Variants in RELN observed in about 807,000 individuals in gnomAD.
RELN encodes reelin.
RELN carries 108 observed loss-of-function variants against 427.6 expected under a neutral mutation model. The ratio of observed to expected loss-of-function variants is 0.25; its 90% CI spans 0.22 to 0.30. The LOEUF (loss-of-function observed/expected upper bound fraction) is 0.30, where lower values mean the gene tolerates loss of function less well. RELN is among the 10% of genes least tolerant of loss of function. The pLI is 1.00. For missense variants in RELN, 3,715 were observed against 4,302.8 expected (o/e 0.86, Z 3.82); for synonymous variants, 1,524 against 1,513.4 (o/e 1.01, Z -0.16).
chr7:103,856,419 A>AG (rs1793945364), intron 2 of RELN, among the ~76,000 whole-genome samples: 1 of 151,966 alleles, frequency 6.6e-6, no homozygotes, highest in Non-Finnish European at 1.5e-5. Context: ...AATACAAAAA[A>AG]TTAGCCATCT....
intron 50 of RELN, among the ~76,000 whole-genome samples, chr7:103,514,439 C>T (rs1438755291): frequency 6.6e-6 from 1 of 152,146 alleles, no homozygotes; most frequent in Admixed American, 6.5e-5. Flanking sequence ...GTGGGCAGAT[C>T]ACCTGAGGTT....
intron 3 of RELN, among the ~76,000 whole-genome samples, chr7:103,813,977 T>C (rs1329647877): frequency 6.6e-6 from 1 of 152,202 alleles, no homozygotes; most frequent in Non-Finnish European, 1.5e-5. Context: ...CATGACGGTA[T>C]TTTTAAGAGT....
chr7:103,851,997 T>A (rs1423722680), intron 2 of RELN, among the ~76,000 whole-genome samples: 1 of 152,222 alleles, frequency 6.6e-6, no homozygotes, highest in African/African-American at 2.4e-5. Context: ...GCTGAGTCCC[T>A]GTATAAAGGA....
chr7:103,917,513 C>G (rs189774098), intron 1 of RELN, among the ~76,000 whole-genome samples: 2 of 150,210 alleles, frequency 1.3e-5, no homozygotes, highest in Admixed American at 1.3e-4. Flanking sequence ...TGAAGGCAGT[C>G]AAAGGCATTG....
chr7:103,584,244 T>C (rs1323859448), intron 28 of RELN, among the ~76,000 whole-genome samples: 1 of 152,206 alleles, frequency 6.6e-6, no homozygotes, highest in African/African-American at 2.4e-5. Flanking sequence ...ATGGGCTAAA[T>C]CCTCAACTAG....
At position 103,652,626 on chromosome 7, in the gene RELN, A is replaced by C. The variant is rs1832944514; in HGVS notation, c.1688T>G (p.Val563Gly). 1.2e-6 allele frequency: 2 copies of C among 1,612,860 alleles called. No homozygotes were observed. The highest frequency in any genetic ancestry group is 1.7e-6 in the Non-Finnish European group (2 of 1,179,308). Residue 563 changes from valine to glycine, a missense_variant, in exon 14 of 65, where the codon GTT (valine) becomes GGT (glycine). By Grantham distance (109) the Val-to-Gly change is moderately radical. Transcript: ENST00000428762. ...WAVDFFHVLP[V>G]LPSTMSHMIQ... is the part of the protein sequence containing the mutation. ...CATGTGAGACATTGTAGAAGGGAGA[A>C]CAGGCAAGACATGGAAAAAGTCTAC...
intron 60 of RELN, among the ~76,000 whole-genome samples, chr7:103,489,355 C>T (rs1828569953): frequency 6.6e-6 from 1 of 151,966 alleles, no homozygotes; most frequent in Non-Finnish European, 1.5e-5. Flanking sequence ...TAGGCACAGG[C>T]AGCTAGGCCA....
intron 25 of RELN, 65 bp downstream of exon 25, chr7:103,596,388 ACAT>A: frequency 7.3e-7 from 1 of 1,364,346 alleles, no homozygotes; most frequent in South Asian, 1.2e-5. Context: ...TTTTGGAAAC[ACAT>A]CAACAATGAT....
intron 1 of RELN, among the ~76,000 whole-genome samples, chr7:103,964,663 TAA>T (rs1225563694): frequency 6.6e-6 from 1 of 152,212 alleles, no homozygotes; most frequent in African/African-American, 2.4e-5. Flanking sequence ...AAATTTAAAG[TAA>T]AAAATAAAGT....
At chr7:103,488,057 A>G (rs942959520) in intron 60 of RELN, among the ~76,000 whole-genome samples, 1 of 152,174 alleles carries the variant, frequency 6.6e-6, no homozygotes, top group Non-Finnish European at 1.5e-5. Flanking sequence ...CTGAGGCAGG[A>G]TAATCACTTG....
At chr7:103,937,414 T>G (rs1563101044) in intron 1 of RELN, among the ~76,000 whole-genome samples, 1 of 152,230 alleles carries the variant, frequency 6.6e-6, no homozygotes, top group Non-Finnish European at 1.5e-5. Flanking sequence ...CTTTCTAGTT[T>G]GTGTAGTCAT....
intron 60 of RELN, among the ~76,000 whole-genome samples, 172 bp downstream of exon 60, chr7:103,489,570 C>T (rs1046072280): frequency 6.6e-6 from 1 of 152,158 alleles, no homozygotes; most frequent in Non-Finnish European, 1.5e-5. Context: ...TTGCATAAAT[C>T]TATGCTTAAT....
intron 5 of RELN, among the ~76,000 whole-genome samples, chr7:103,751,806 A>G (rs867661565): frequency 6.6e-6 from 1 of 152,234 alleles, no homozygotes; most frequent in Non-Finnish European, 1.5e-5. Flanking sequence ...GAGGAAAAAT[A>G]AATTAATTGG....
At chr7:103,847,932 C>T (rs1241923291) in intron 2 of RELN, among the ~76,000 whole-genome samples, 1 of 151,570 alleles carries the variant, frequency 6.6e-6, no homozygotes, top group African/African-American at 2.4e-5. Flanking sequence ...CAGCATGTTG[C>T]CGTTAGTTTC....
intron 8 of RELN, among the ~76,000 whole-genome samples, chr7:103,705,507 A>G (rs1325221818): frequency 6.6e-6 from 1 of 152,210 alleles, no homozygotes; most frequent in Non-Finnish European, 1.5e-5. Context: ...CCTTAAACAG[A>G]TCATACTTAA....
chr7:103,881,168 G>C (rs1343123946), intron 2 of RELN, among the ~76,000 whole-genome samples: 3 of 151,934 alleles, frequency 2.0e-5, no homozygotes, highest in Non-Finnish European at 2.9e-5. Context: ...ATTGTAATGT[G>C]GCTTCTGCTT....
chr7:103,915,698 T>C (rs1396621888), intron 2 of RELN, among the ~76,000 whole-genome samples: 1 of 152,164 alleles, frequency 6.6e-6, no homozygotes, highest in Non-Finnish European at 1.5e-5. Flanking sequence ...CTAGGCTGGA[T>C]CCTAGAAGGT....
In RELN at chr7:103,522,288, T is replaced by TA. The variant is rs760193290; in HGVS notation, c.7491-90dup. 7 of 1,273,806 alleles carry TA rather than the reference T, an allele frequency of 5.5e-6. No individual in the cohort carries two copies. In the Admixed American group the frequency reaches 5.7e-5, roughly 10 times the overall value. The allele number at this position is 1,273,806 out of a possible 1,614,324, so 78.9% of individuals were successfully genotyped here. On this transcript the variant is annotated intron_variant, in intron 47 of 64. Coordinates refer to ENST00000428762, the MANE Select transcript of RELN (RefSeq NM_005045.4). Reference sequence around the variant, plus strand: ...AAATTAGTGAAGACTACTCTTTTCCTAGTCCAAGATGATGAAAAGTTACTG... The same window carrying TA: ...AAATTAGTGAAGACTACTCTTTTCCTAAGTCCAAGATGATGAAAAGTTACTG...
chr7:103,521,933 G>T, intron 48 of RELN, 89 bp downstream of exon 48: 3 of 1,333,826 alleles, frequency 2.2e-6, no homozygotes, highest in South Asian at 1.2e-5. Flanking sequence ...CCTGCATCTT[G>T]ATTTGCCCAT....
Sources: gnomAD v4.1 joint callset for allele counts (sites outside exome capture counted in the v4.1 genomes callset) on GRCh38, gnomAD v4.1.1 for gene constraint, MANE v1.5 for transcripts, NCBI Gene and HGNC (gene_info 2026-07-23, HGNC 2026-07-21) for gene names.